NRG3: variants seen among roughly 807,000 people sequenced by gnomAD.
NRG3 encodes pro-neuregulin-3, membrane-bound isoform.
In NRG3, 31 loss-of-function variants were observed where a neutral mutation model predicts 66.9. The observed-to-expected ratio is 0.46, with a 90% CI of 0.35 to 0.63. The LOEUF is 0.63. Among genes scored for constraint, NRG3 ranks in the 20% least tolerant of loss-of-function variants. The pLI, the probability that NRG3 is intolerant of heterozygous loss-of-function variation, is 0.00. For missense variants in NRG3, 910 were observed against 878.9 expected (o/e 1.04, Z -0.45); for synonymous variants, 393 against 359.4 (o/e 1.09, Z -1.06).
chr10:82,302,227 T>G (rs1019609148), intron 1 of NRG3, among the ~76,000 whole-genome samples: 26 of 152,134 alleles, frequency 1.7e-4, no homozygotes, highest in African/African-American at 5.8e-4. Flanking sequence ...TTTATTTTAC[T>G]AGCATTACTT....
intron 2 of NRG3, among the ~76,000 whole-genome samples, chr10:82,574,591 A>G (rs771915015): frequency 1.3e-5 from 2 of 151,850 alleles, no homozygotes; most frequent in African/African-American, 4.8e-5. Flanking sequence ...TATCCCAAAT[A>G]CACAGATTGG....
chr10:82,545,535 C>T (rs1435118908), intron 2 of NRG3, among the ~76,000 whole-genome samples: 7 of 151,496 alleles, frequency 4.6e-5, no homozygotes, highest in Non-Finnish European at 8.8e-5. Context: ...CCCGCCACCA[C>T]GCCTGGCTAA....
chr10:82,073,725 G>T (rs1409850512), intron 1 of NRG3, among the ~76,000 whole-genome samples: 1 of 151,996 alleles, frequency 6.6e-6, no homozygotes, highest in South Asian at 2.1e-4. Flanking sequence ...CTATTACTTA[G>T]AACGCTGTAA....
chr10:82,227,778 G>A (rs2076242918), intron 1 of NRG3, among the ~76,000 whole-genome samples: 1 of 152,142 alleles, frequency 6.6e-6, no homozygotes, highest in Non-Finnish European at 1.5e-5. Flanking sequence ...AGATAGACTG[G>A]TAAGCCTTTT....
At chr10:82,935,312 CT>C (rs898778017) in intron 4 of NRG3, among the ~76,000 whole-genome samples, 19 of 152,118 alleles carry the variant, frequency 1.2e-4, no homozygotes, top group Non-Finnish European at 2.6e-4. Context: ...CATATGATTT[CT>C]TCTTTCTTTC....
intron 1 of NRG3, among the ~76,000 whole-genome samples, chr10:81,993,715 T>C (rs2060829064): frequency 6.6e-6 from 1 of 152,182 alleles, no homozygotes; most frequent in Non-Finnish European, 1.5e-5. Flanking sequence ...CAAACTACTT[T>C]CATTAAAAGA....
In NRG3 at chr10:82,085,388, C is replaced by A. The variant is rs566999883; in HGVS notation, c.823+209225C>A. On this transcript the variant is annotated intron_variant, in intron 1 of 8. Coordinates refer to ENST00000372141, the MANE Select transcript of NRG3 (RefSeq NM_001010848.4). ...CTTTTGTGTTGCTATAATAGAATTTCTGAGACTGAGTAATTCATAAAGAAC... is the reference window on the plus strand; with the variant it reads ...CTTTTGTGTTGCTATAATAGAATTTATGAGACTGAGTAATTCATAAAGAAC... 5.2e-4 allele frequency among the ~76,000 whole-genome samples: 79 copies of A among 152,136 alleles called. 1 individual carries two copies. The highest frequency in any genetic ancestry group is 8.8e-4 in the Non-Finnish European group (60 of 68,018).
chr10:81,929,515 A>G (rs1011488175), intron 1 of NRG3, among the ~76,000 whole-genome samples: 2 of 152,290 alleles, frequency 1.3e-5, no homozygotes, highest in South Asian at 2.1e-4. Context: ...CAGGCTCCTC[A>G]TGATGGGTTG....
Position 82,092,096 on chromosome 10 carries a change from A to G in NRG3, c.823+215933A>G, listed in dbSNP as rs1422662611. Among the ~76,000 whole-genome samples, 5 of 152,196 alleles carry G rather than the reference A, an allele frequency of 3.3e-5. No homozygotes were observed. The East Asian group carries it at 5.8e-4, about 18-fold the overall frequency. ...TCCGTGCCAGGCTGTTACTAATGCT[A>G]TAAGTGCATGATCTCAATCAACTTT... On this transcript the variant is annotated intron_variant, in intron 1 of 8. Transcript: ENST00000372141.
chr10:82,284,158 A>T (rs917705127), intron 1 of NRG3, among the ~76,000 whole-genome samples: 1 of 152,226 alleles, frequency 6.6e-6, no homozygotes, highest in Non-Finnish European at 1.5e-5. Context: ...ATATCTGCGT[A>T]TCAGGGAGCT....
At position 82,843,306 on chromosome 10, in the gene NRG3, G is replaced by C. The variant is rs547946305; in HGVS notation, c.1028-22105G>C. On this transcript the variant is annotated intron_variant, in intron 3 of 8. Transcript: ENST00000372141. ...GGGTGGGACGGGTGTCATTCTCAAA[G>C]GACAATTTAGCTCCCTTTGCTCTCT... 123 of 446,564 alleles carry C rather than the reference G, an allele frequency of 2.8e-4. 7 individuals carry two copies. The highest frequency in any genetic ancestry group is 1.9e-3 in the South Asian group (122 of 62,782). The allele number at this position is 446,564 out of a possible 1,614,324, so 27.7% of individuals were successfully genotyped here.
intron 1 of NRG3, among the ~76,000 whole-genome samples, chr10:82,051,957 C>T (rs2063612867): frequency 6.6e-6 from 1 of 152,002 alleles, no homozygotes. Flanking sequence ...ATGTCTTCTT[C>T]CATCTAAAGG....
chr10:82,675,161 T>C (rs2053589328), intron 2 of NRG3, among the ~76,000 whole-genome samples: 3 of 152,064 alleles, frequency 2.0e-5, no homozygotes, highest in Admixed American at 2.0e-4. Context: ...TTCTCTATGT[T>C]GACGAGGCTG....
chr10:82,173,914 C>T (rs2072831051), intron 1 of NRG3, among the ~76,000 whole-genome samples: 1 of 152,128 alleles, frequency 6.6e-6, no homozygotes, highest in Admixed American at 6.6e-5. Context: ...TGCTTCAAGA[C>T]TCTTCATTGA....
chr10:82,411,421 A>G (rs530322167), intron 2 of NRG3, among the ~76,000 whole-genome samples: 1 of 152,242 alleles, frequency 6.6e-6, no homozygotes, highest in Non-Finnish European at 1.5e-5. Context: ...GCCATGACCA[A>G]AAGTATAATT....
intron 1 of NRG3, among the ~76,000 whole-genome samples, chr10:82,101,484 T>C (rs767338640): frequency 4.0e-4 from 60 of 151,898 alleles, no homozygotes; most frequent in South Asian, 2.1e-4. Context: ...CTGTAAATTT[T>C]CTGCAAATAT....
At chr10:82,595,471 G>A (rs1470400326) in intron 2 of NRG3, among the ~76,000 whole-genome samples, 1 of 152,162 alleles carries the variant, frequency 6.6e-6, no homozygotes, top group African/African-American at 2.4e-5. Context: ...ATAAAACAGA[G>A]TTGCACAACA....
At chr10:82,790,882 T>G (rs1165517986) in intron 3 of NRG3, among the ~76,000 whole-genome samples, 1 of 151,912 alleles carries the variant, frequency 6.6e-6, no homozygotes, top group Non-Finnish European at 1.5e-5. Flanking sequence ...GTGAACTTAT[T>G]TCAATTATTG....
At chr10:82,797,976 C>T (rs746228953) in intron 3 of NRG3, among the ~76,000 whole-genome samples, 1 of 152,060 alleles carries the variant, frequency 6.6e-6, no homozygotes, top group Non-Finnish European at 1.5e-5. Context: ...ATAATCATGA[C>T]TACATTAAAA....
Sources: gnomAD v4.1 joint callset for allele counts (sites outside exome capture counted in the v4.1 genomes callset) on GRCh38, gnomAD v4.1.1 for gene constraint, MANE v1.5 for transcripts, NCBI Gene and HGNC (gene_info 2026-07-23, HGNC 2026-07-21) for gene names.